The following C1QTNF7 variants were observed in gnomAD, a reference collection of about 807,000 sequenced individuals.
The protein encoded by C1QTNF7 is C1q and TNF related 7.
A neutral mutation model predicts 19.6 loss-of-function variants in C1QTNF7; 15 were observed. The observed-to-expected ratio is 0.76, with a 90% CI of 0.51 to 1.18. C1QTNF7 has a LOEUF of 1.18. Among genes scored for constraint, C1QTNF7 ranks in the 50% most tolerant of loss-of-function variants. The pLI is 0.00. For synonymous variants in C1QTNF7, 142 were observed against 137.5 expected (o/e 1.03, Z -0.23); for missense variants, 324 against 359.7 (o/e 0.90, Z 0.80).
At chr4:15,396,717 C>T (rs969043093) in intron 1 of C1QTNF7, among the ~76,000 whole-genome samples, 1 of 152,008 alleles carries the variant, frequency 6.6e-6, no homozygotes, top group Admixed American at 6.6e-5. Flanking sequence ...CTCAGAACAC[C>T]CCTCAGAATT....
intron 1 of C1QTNF7, among the ~76,000 whole-genome samples, chr4:15,406,818 T>G (rs950048511): frequency 6.6e-6 from 1 of 152,164 alleles, no homozygotes; most frequent in East Asian, 1.9e-4. Flanking sequence ...ATTAAATCTT[T>G]AAAGGGGGAA....
At chr4:15,374,982 A>C (rs1445624771) in intron 1 of C1QTNF7, among the ~76,000 whole-genome samples, 2 of 151,848 alleles carry the variant, frequency 1.3e-5, no homozygotes, top group Non-Finnish European at 2.9e-5. Context: ...AGTCGTCAGA[A>C]TCGGCTTTGC....
At chr4:15,351,463 T>C (rs1716934512) in intron 1 of C1QTNF7, among the ~76,000 whole-genome samples, 1 of 152,154 alleles carries the variant, frequency 6.6e-6, no homozygotes, top group Non-Finnish European at 1.5e-5. Context: ...CTGAAAAAGA[T>C]TCAAAAGAAG....
At chr4:15,351,452 C>T (rs560928255) in intron 1 of C1QTNF7, among the ~76,000 whole-genome samples, 1 of 152,192 alleles carries the variant, frequency 6.6e-6, no homozygotes, top group African/African-American at 2.4e-5. Flanking sequence ...TGACTGAGAT[C>T]CTGAAAAAGA....
intron 2 of C1QTNF7, among the ~76,000 whole-genome samples, 155 bp downstream of exon 2, chr4:15,436,136 G>A (rs563192343): frequency 3.6e-4 from 55 of 152,288 alleles, no homozygotes; most frequent in African/African-American, 1.3e-3. Context: ...GGCTTCAGAT[G>A]CTTCCCTAAA....
Position 15,443,807 on chromosome 4 carries a change from T to C in C1QTNF7, c.*1008T>C, listed in dbSNP as rs1312852444. 1 of 152,244 alleles carries C rather than the reference T, an allele frequency of 6.6e-6. No individual in the cohort carries two copies. The highest frequency in any genetic ancestry group is 1.5e-5 in the Non-Finnish European group (1 of 68,044). The allele number at this position is 152,244 out of a possible 1,614,324, so 9.4% of individuals were successfully genotyped here. ...ACAAACATTTGTCCTAATAGCTTTCTCATAAATATGGGCACCACTTTACAT... is the reference window on the plus strand; with the variant it reads ...ACAAACATTTGTCCTAATAGCTTTCCCATAAATATGGGCACCACTTTACAT... On this transcript the variant is annotated 3_prime_UTR_variant, in exon 3 of 3. Coordinates refer to ENST00000444304, the MANE Select transcript of C1QTNF7 (RefSeq NM_031911.5).
chr4:15,401,323 A>C (rs1215796825), intron 1 of C1QTNF7, among the ~76,000 whole-genome samples: 2 of 152,094 alleles, frequency 1.3e-5, no homozygotes, highest in Non-Finnish European at 2.9e-5. Flanking sequence ...CTTCAACCTG[A>C]GCCACACTGG....
upstream of C1QTNF7, among the ~76,000 whole-genome samples, chr4:15,427,598 T>C (rs1019052650): frequency 2.0e-5 from 3 of 152,198 alleles, no homozygotes; most frequent in African/African-American, 7.2e-5. Context: ...GGGACAGTGT[T>C]CATTATTCCA....
intron 1 of C1QTNF7, among the ~76,000 whole-genome samples, chr4:15,429,866 G>A (rs1712229741): frequency 6.6e-6 from 1 of 152,002 alleles, no homozygotes; most frequent in Non-Finnish European, 1.5e-5. Flanking sequence ...TTCCACAGGC[G>A]CTGCACCATT....
At chr4:15,422,520 T>G (rs1042830429) in intron 1 of C1QTNF7, among the ~76,000 whole-genome samples, 2 of 152,220 alleles carry the variant, frequency 1.3e-5, no homozygotes, top group Non-Finnish European at 2.9e-5. Context: ...TCCTGTCCAT[T>G]CAATGCTAAA....
chr4:15,444,582 A>C lies in C1QTNF7; in HGVS notation c.*1783A>C, dbSNP rs1237292644. The stretch of plus-strand genomic sequence containing the variant: ...CTAGTAAATTTCTAAGGATACCAGA[A>C]AGGAAATGGCATGCACACACACAAA... On this transcript the variant is annotated 3_prime_UTR_variant, in exon 3 of 3. Coordinates refer to ENST00000444304, the MANE Select transcript of C1QTNF7 (RefSeq NM_031911.5). 1 of 152,208 alleles carries C rather than the reference A, an allele frequency of 6.6e-6. No individual in the cohort carries two copies. The highest frequency in any genetic ancestry group is 1.5e-5 in the Non-Finnish European group (1 of 68,048). The allele number at this position is 152,208 out of a possible 1,614,324, so 9.4% of individuals were successfully genotyped here.
At chr4:15,408,762 A>G (rs1035799582) in intron 1 of C1QTNF7, among the ~76,000 whole-genome samples, 4 of 152,154 alleles carry the variant, frequency 2.6e-5, no homozygotes, top group African/African-American at 7.2e-5. Flanking sequence ...AACTTTCCCA[A>G]TAGCACTCAG....
At chr4:15,390,684 TC>T (rs1329760291) in intron 1 of C1QTNF7, among the ~76,000 whole-genome samples, 4 of 152,198 alleles carry the variant, frequency 2.6e-5, no homozygotes, top group African/African-American at 9.6e-5. Context: ...ACAGCTGGTC[TC>T]AGTGGAAAAT....
At chr4:15,407,887 G>A (rs1328113682) in intron 1 of C1QTNF7, among the ~76,000 whole-genome samples, 1 of 151,972 alleles carries the variant, frequency 6.6e-6, no homozygotes, top group Admixed American at 6.6e-5. Flanking sequence ...GAAGGCAGAG[G>A]TCGCTCCAGC....
At chr4:15,351,495 A>G (rs1716936446) in intron 1 of C1QTNF7, among the ~76,000 whole-genome samples, 1 of 152,244 alleles carries the variant, frequency 6.6e-6, no homozygotes, top group South Asian at 2.1e-4. Flanking sequence ...TAGGAGAAAC[A>G]GAGCATTGCA....
chr4:15,340,156 A>G (rs1291675537), exon 1 of C1QTNF7: 4 of 1,551,222 alleles, frequency 2.6e-6, no homozygotes, highest in Non-Finnish European at 3.5e-6. Flanking sequence ...AACCAAAGCA[A>G]GAAAGCCTCA....
chr4:15,439,178 A>T (rs933022872), intron 2 of C1QTNF7, among the ~76,000 whole-genome samples: 1 of 152,222 alleles, frequency 6.6e-6, no homozygotes, highest in African/African-American at 2.4e-5. Context: ...TGTGGAACCT[A>T]AGCATGTGAG....
At chr4:15,414,221 C>T (rs1719508439) in intron 1 of C1QTNF7, among the ~76,000 whole-genome samples, 1 of 152,150 alleles carries the variant, frequency 6.6e-6, no homozygotes, top group Non-Finnish European at 1.5e-5. Flanking sequence ...TTTAAAAATT[C>T]ATGATCATTA....
At chr4:15,364,855 G>A (rs933259685) in intron 1 of C1QTNF7, among the ~76,000 whole-genome samples, 9 of 152,256 alleles carry the variant, frequency 5.9e-5, no homozygotes, top group East Asian at 1.9e-4. Flanking sequence ...TTATAAATAC[G>A]TTGGGTTTGA....
Sources: allele counts gnomAD v4.1 joint callset (sites outside exome capture counted in the v4.1 genomes callset), GRCh38; gene constraint gnomAD v4.1.1; transcripts MANE v1.5; gene names NCBI Gene and HGNC (gene_info 2026-07-23, HGNC 2026-07-21).